The following MKS1 variants were observed in gnomAD, a reference collection of about 807,000 sequenced individuals.
The protein encoded by MKS1 is MKS transition zone complex subunit 1, also known as tectonic-like complex member MKS1.
In MKS1, 70 loss-of-function variants were observed where a neutral mutation model predicts 83.7. That is an observed-to-expected ratio of 0.84 (90% CI 0.69 to 1.02). MKS1 has a LOEUF of 1.02. Among genes scored for constraint, MKS1 ranks in the 50% least tolerant of loss-of-function variants. The probability of loss-of-function intolerance (pLI) is 0.00; values close to 1 mark genes in which losing one functional copy is unlikely to be tolerated. For synonymous variants in MKS1, 251 were observed against 273.4 expected, an observed-to-expected ratio of 0.92 and a Z score of 0.81; for missense variants, 681 against 726.9, an observed-to-expected ratio of 0.94 and a Z score of 0.73.
In MKS1 at chr17:58,216,684, C is replaced by T. The variant is rs1488924614; in HGVS notation, c.243G>A (p.Gln81=). 4 of 1,614,204 alleles carry T rather than the reference C, an allele frequency of 2.5e-6. No homozygotes were observed. In the Admixed American group the frequency reaches 6.7e-5, roughly 27 times the overall value. ...DEEEEIVIGW[Q]EKLFSQFEVD... Reference sequence around the variant, plus strand: ...GGCTCACCTGGCTAAAGAGCTTCTCCTGCCACCCAATCACAATCTCCTCCT... The same window carrying T: ...GGCTCACCTGGCTAAAGAGCTTCTCTTGCCACCCAATCACAATCTCCTCCT... Residue 81 remains glutamine (Q), a synonymous_variant, in exon 3 of 18, where the codon CAG becomes CAA. Transcript: ENST00000393119.
intron 7 of MKS1, 106 bp downstream of exon 7, chr17:58,213,659 G>C: frequency 1.1e-6 from 1 of 873,402 alleles, no homozygotes; most frequent in Admixed American, 1.9e-5. Context: ...GAATGTAAAA[G>C]TTAGAACAGA....
chr17:58,207,477 AT>A (rs1237185933), intron 14 of MKS1: 1 of 574,286 alleles, frequency 1.7e-6, no homozygotes, highest in Non-Finnish European at 3.1e-6. Flanking sequence ...CATTCTCCTC[AT>A]CTAGTAAAAT....
chr17:58,210,011 G>T (rs1234208807), intron 11 of MKS1, among the ~76,000 whole-genome samples: 1 of 152,176 alleles, frequency 6.6e-6, no homozygotes, highest in African/African-American at 2.4e-5. Flanking sequence ...TAGGGAGCTA[G>T]GGAAAGTGAG....
intron 7 of MKS1, 34 bp from the exon 8 acceptor site, chr17:58,213,124 T>C (rs1263708778): frequency 1.3e-6 from 2 of 1,598,630 alleles, no homozygotes; most frequent in African/African-American, 1.3e-5. Flanking sequence ...GGAGCAACTC[T>C]AATAATGAGA....
intron 2 of MKS1, among the ~76,000 whole-genome samples, chr17:58,217,743 T>G (rs1378103608): frequency 1.3e-5 from 2 of 152,136 alleles, no homozygotes; most frequent in African/African-American, 4.8e-5. Context: ...AGACCAAGGT[T>G]TACAGTGAGC....
chr17:58,214,016 A>G, intron 6 of MKS1, 147 bp from the exon 7 acceptor site: 1 of 943,556 alleles, frequency 1.1e-6, no homozygotes, highest in Non-Finnish European at 1.6e-6. Flanking sequence ...TAAGAAAAAA[A>G]AGGAAGAAAA....
chr17:58,215,510 A>G (rs1567804713), intron 4 of MKS1: 1 of 169,940 alleles, frequency 5.9e-6, no homozygotes. Context: ...GCAGAGACCT[A>G]CAGAGTCATA....
At chr17:58,210,841 C>A in intron 10 of MKS1, 117 bp from the exon 11 acceptor site, 2 of 1,440,678 alleles carry the variant, frequency 1.4e-6, no homozygotes, top group South Asian at 1.1e-5. Context: ...CAGGAACCCT[C>A]TGCGTTTCCA....
intron 14 of MKS1, 149 bp from the exon 15 acceptor site, chr17:58,207,367 A>G (rs1968585693): frequency 9.2e-7 from 1 of 1,085,790 alleles, no homozygotes; most frequent in Non-Finnish European, 1.3e-6. Flanking sequence ...ATGGTTACCC[A>G]TAGCACCTGT....
At position 58,219,185 on chromosome 17, in the gene MKS1, G is replaced by A. The variant is rs1011348762; in HGVS notation, c.46C>T (p.Arg16Cys). ...AAGTTGCGCACGGGGTCCCGGGAGC[G>A]ATACACTGCCTCCCCGGTGTCAGTG... Reference protein sequence around the residue: ...WSTDTGEAVYRSRDPVRNLRL... With the variant: ...WSTDTGEAVYCSRDPVRNLRL... The change falls in exon 1 of 18, where the codon CGC (arginine) becomes TGC (cysteine). Residue 16 changes from arginine to cysteine, a missense_variant. Around this residue, in one of 3 missense-constraint regions of MKS1, gnomAD observed 365 missense variants for 383.8 expected, o/e 0.95. Coordinates refer to ENST00000393119, the MANE Select transcript of MKS1 (RefSeq NM_017777.4). 7 of 1,551,142 alleles carry A rather than the reference G, an allele frequency of 4.5e-6. No individual in the cohort carries two copies. In the African/African-American group the frequency reaches 8.2e-5, roughly 18 times the overall value.
chr17:58,218,537 TTTG>T, intron 2 of MKS1, 80 bp downstream of exon 2: 1 of 992,854 alleles, frequency 1.0e-6, no homozygotes, highest in Non-Finnish European at 1.6e-6. Context: ...AAGTATAGTA[TTTG>T]TTATCTCACT....
At chr17:58,213,712 G>A in intron 7 of MKS1, 53 bp downstream of exon 7, 4 of 1,385,214 alleles carry the variant, frequency 2.9e-6, no homozygotes, top group Non-Finnish European at 3.1e-6. Flanking sequence ...GACAAAAAGT[G>A]CAACCAAGGG....
chr17:58,213,728 A>G (rs1250044995), intron 7 of MKS1, 37 bp downstream of exon 7: 7 of 1,500,658 alleles, frequency 4.7e-6, no homozygotes, highest in Non-Finnish European at 6.5e-6. Context: ...AAGGGAAGGA[A>G]TGCCAGTCTC....
At chr17:58,213,168 G>A in intron 7 of MKS1, 78 bp from the exon 8 acceptor site, 5 of 1,362,286 alleles carry the variant, frequency 3.7e-6, no homozygotes, top group Non-Finnish European at 5.2e-6. Context: ...GCCCAGGGAT[G>A]AGCGATCAGG....
chr17:58,207,858 C>T lies in MKS1; in HGVS notation c.1273+36G>A, dbSNP rs372134300. On this transcript the variant is annotated intron_variant, in intron 14 of 17. Coordinates refer to ENST00000393119, the MANE Select transcript of MKS1 (RefSeq NM_017777.4). ...TTAGTCTTGTTCTTAGGGCCTAGGGCATGTGGGCCACAGAAGGGCAGAGAC... is the reference window on the plus strand; with the variant it reads ...TTAGTCTTGTTCTTAGGGCCTAGGGTATGTGGGCCACAGAAGGGCAGAGAC... 1.5e-4 allele frequency: 236 copies of T among 1,549,710 alleles called. 1 individual carries two copies. The South Asian group carries it at 1.7e-3, about 11-fold the overall frequency.
intron 6 of MKS1, among the ~76,000 whole-genome samples, 179 bp from the exon 7 acceptor site, chr17:58,214,048 C>T (rs558684336): frequency 6.6e-6 from 1 of 152,190 alleles, no homozygotes; most frequent in South Asian, 2.1e-4. Flanking sequence ...CTCCTATAAC[C>T]CAGGATGATA....
Position 58,212,436 on chromosome 17 carries a change from T to G in MKS1, c.859-2A>C, listed in dbSNP as rs1968931002. The G allele has an allele frequency of 6.2e-7, 1 of 1,614,016 alleles. No homozygotes were observed. Among genetic ancestry groups the G allele is most frequent in the African/African-American group, 1.3e-5 (1 of 74,884 alleles). ...ATACTCCTTGTGCCGGCCATAAAGCTGAGGAAACAAACCAAACCAAAACTC... is the reference window on the plus strand; with the variant it reads ...ATACTCCTTGTGCCGGCCATAAAGCGGAGGAAACAAACCAAACCAAAACTC... On this transcript the variant is annotated splice_acceptor_variant, in intron 8 of 17. Transcript: ENST00000393119. LOFTEE classifies it high-confidence loss of function.
At chr17:58,212,874 G>T in intron 8 of MKS1, 108 bp downstream of exon 8, 1 of 1,091,578 alleles carries the variant, frequency 9.2e-7, no homozygotes, top group Non-Finnish European at 1.4e-6. Context: ...AAGGGGCCAT[G>T]AAGGGCAAGG....
intron 10 of MKS1, 62 bp downstream of exon 10, chr17:58,210,918 T>C (rs1968835088): frequency 4.5e-6 from 7 of 1,566,146 alleles, no homozygotes; most frequent in Admixed American, 3.3e-5. Flanking sequence ...GAGGAGACTA[T>C]TCACAGCTCC....
Sources: gnomAD v4.1 joint callset for allele counts (sites outside exome capture counted in the v4.1 genomes callset) on GRCh38, gnomAD v4.1.1 for gene constraint, gnomAD v4.1.1 regional missense constraint, MANE v1.5 for transcripts, NCBI Gene and HGNC (gene_info 2026-07-23, HGNC 2026-07-21) for gene names.